The following CERS6 variants were observed in gnomAD, a reference collection of about 807,000 sequenced individuals.
The protein encoded by CERS6 is LAG1 homolog, ceramide synthase 6.
In CERS6, 26 loss-of-function variants were observed where a neutral mutation model predicts 56.8. That is an observed-to-expected ratio of 0.46 (90% CI 0.34 to 0.63). The LOEUF is 0.63. CERS6 is among the 30% of genes least tolerant of loss of function. The pLI, the probability that CERS6 is intolerant of heterozygous loss-of-function variation, is 0.01. For missense variants in CERS6, 415 were observed against 467.5 expected (o/e 0.89, Z 1.04); for synonymous variants, 164 against 173.3 (o/e 0.95, Z 0.42).
chr2:168,530,341 T>G (rs1226879264), intron 1 of CERS6, among the ~76,000 whole-genome samples: 1 of 152,226 alleles, frequency 6.6e-6, no homozygotes, highest in Admixed American at 6.5e-5. Flanking sequence ...AGATACTGCC[T>G]TACTCAGACA....
intron 3 of CERS6, among the ~76,000 whole-genome samples, chr2:168,574,940 GCTT>G (rs1257187324): frequency 6.6e-6 from 1 of 152,124 alleles, no homozygotes; most frequent in Non-Finnish European, 1.5e-5. Context: ...TTAAAGAAAA[GCTT>G]CTTGTTGAGA....
chr2:168,471,481 C>T lies in CERS6; in HGVS notation c.170+14863C>T, dbSNP rs574411716. On this transcript the variant is annotated intron_variant, in intron 1 of 9. Transcript: ENST00000305747. ...ATGTTCTTTCTGTTCTCAAAGATAA[C>T]GTCATGGTTTTAGGCTGTTTTTCTG... 1.6e-4 allele frequency among the ~76,000 whole-genome samples: 24 copies of T among 152,202 alleles called. No individual in the cohort carries two copies. In the South Asian group the frequency reaches 3.5e-3, roughly 22 times the overall value.
intron 8 of CERS6, among the ~76,000 whole-genome samples, chr2:168,762,727 T>C (rs767747466): frequency 6.6e-6 from 1 of 152,218 alleles, no homozygotes; most frequent in Non-Finnish European, 1.5e-5. Flanking sequence ...AATTTTAACA[T>C]ATGTGTATTA....
At chr2:168,763,661 T>C (rs1340936176) in intron 8 of CERS6, among the ~76,000 whole-genome samples, 1 of 152,234 alleles carries the variant, frequency 6.6e-6, no homozygotes, top group African/African-American at 2.4e-5. Flanking sequence ...CTTATGTTTT[T>C]ATATGAGTGG....
intron 8 of CERS6, among the ~76,000 whole-genome samples, chr2:168,740,875 T>C (rs939897432): frequency 6.6e-6 from 1 of 152,172 alleles, no homozygotes; most frequent in Non-Finnish European, 1.5e-5. Context: ...AAGTAGGAGT[T>C]GGTCATTATT....
At chr2:168,691,133 T>G (rs1424909842) in intron 5 of CERS6, 49 bp downstream of exon 5, 2 of 1,554,820 alleles carry the variant, frequency 1.3e-6, no homozygotes, top group Non-Finnish European at 1.8e-6. Flanking sequence ...AGTATCTACC[T>G]TCGGTCAATT....
At chr2:168,631,316 A>G (rs900674292) in intron 4 of CERS6, among the ~76,000 whole-genome samples, 6 of 147,178 alleles carry the variant, frequency 4.1e-5, no homozygotes, top group Non-Finnish European at 5.9e-5. Context: ...TACATCAATC[A>G]CACAATTTGA....
At chr2:168,476,580 G>C (rs1694074867) in intron 1 of CERS6, among the ~76,000 whole-genome samples, 1 of 152,256 alleles carries the variant, frequency 6.6e-6, no homozygotes, top group African/African-American at 2.4e-5. Flanking sequence ...GCAATAGGCT[G>C]TCTGTAAGCT....
chr2:168,626,995 C>T (rs997183807), intron 3 of CERS6, among the ~76,000 whole-genome samples: 3 of 152,014 alleles, frequency 2.0e-5, no homozygotes, highest in South Asian at 2.1e-4. Context: ...CTCTTTTGCC[C>T]GTTTAGTGGT....
chr2:168,695,215 G>A (rs778923339), intron 6 of CERS6, among the ~76,000 whole-genome samples, 164 bp downstream of exon 6: 34 of 152,066 alleles, frequency 2.2e-4, no homozygotes, highest in Non-Finnish European at 4.4e-4. Flanking sequence ...TGTTTGTGCT[G>A]TTTTATATTT....
At chr2:168,521,620 G>C (rs1160126928) in intron 1 of CERS6, among the ~76,000 whole-genome samples, 1 of 152,200 alleles carries the variant, frequency 6.6e-6, no homozygotes, top group East Asian at 1.9e-4. Context: ...CTTCCAGACA[G>C]ACGTCTTGGG....
At chr2:168,694,894 G>T in intron 5 of CERS6, 65 bp from the exon 6 acceptor site, 1 of 1,248,002 alleles carries the variant, frequency 8.0e-7, no homozygotes. Flanking sequence ...AGCTTGAGAT[G>T]TCTGGGATAC....
At chr2:168,665,487 G>A (rs967032416) in intron 4 of CERS6, among the ~76,000 whole-genome samples, 5 of 152,040 alleles carry the variant, frequency 3.3e-5, no homozygotes, top group African/African-American at 9.7e-5. Context: ...CAGCACCCTC[G>A]GATGGTGGGA....
rs1036921414 is a variant in CERS6, at chr2:168,627,603, CTTG to C, written c.408-3376_408-3374del. Among the ~76,000 whole-genome samples, 14 of 145,802 alleles carry C rather than the reference CTTG, an allele frequency of 9.6e-5. No individual in the cohort carries two copies. The South Asian group carries it at 1.3e-3, about 14-fold the overall frequency. ...TTTTCATTTGATTTGTGTGTGTTGA[CTTG>C]TTGTTTTTATGCTTGAACACTGAAG... is the stretch of plus-strand genomic sequence containing the variant. On this transcript the variant is annotated intron_variant, in intron 3 of 9. Transcript: ENST00000305747.
intron 4 of CERS6, among the ~76,000 whole-genome samples, chr2:168,635,303 C>G (rs1684838068): frequency 6.6e-6 from 1 of 152,282 alleles, no homozygotes. Context: ...AGGGGCTTGG[C>G]TCTGGGAATG....
chr2:168,517,555 A>G (rs1694906495), intron 1 of CERS6, among the ~76,000 whole-genome samples: 1 of 151,738 alleles, frequency 6.6e-6, no homozygotes, highest in Non-Finnish European at 1.5e-5. Flanking sequence ...AAAAAAAGTA[A>G]AAACAAGTGG....
chr2:168,466,755 A>G (rs759683508), intron 1 of CERS6, among the ~76,000 whole-genome samples: 58 of 152,218 alleles, frequency 3.8e-4, no homozygotes, highest in Non-Finnish European at 5.6e-4. Context: ...CCTGCCTTCT[A>G]TTCCTACTTT....
intron 4 of CERS6, among the ~76,000 whole-genome samples, chr2:168,665,407 G>C (rs959896872): frequency 4.6e-5 from 7 of 152,120 alleles, no homozygotes; most frequent in Non-Finnish European, 4.4e-5. Context: ...ATAAGAGGCT[G>C]CCTTTGCTGA....
At chr2:168,765,887 C>T in intron 9 of CERS6, 139 bp downstream of exon 9, 1 of 735,906 alleles carries the variant, frequency 1.4e-6, no homozygotes, top group South Asian at 2.1e-5. Context: ...GAGTCATTTC[C>T]TTTTCTAGTT....
Sources: allele counts gnomAD v4.1 joint callset (sites outside exome capture counted in the v4.1 genomes callset), GRCh38; gene constraint gnomAD v4.1.1; transcripts MANE v1.5; gene names NCBI Gene and HGNC (gene_info 2026-07-23, HGNC 2026-07-21).